Variants in CRPPA observed in about 807,000 individuals in gnomAD.
CRPPA encodes the protein D-ribitol-5-phosphate cytidylyltransferase.
A neutral mutation model predicts 52.0 loss-of-function variants in CRPPA; 43 were observed. The observed-to-expected ratio is 0.83, with a 90% CI of 0.65 to 1.07. The LOEUF is 1.07. Among genes scored for constraint, CRPPA ranks in the 50% least tolerant of loss-of-function variants. CRPPA has a pLI of 0.00. For missense variants in CRPPA, 629 were observed against 551.7 expected, an observed-to-expected ratio of 1.14 and a Z score of -1.40; for synonymous variants, 250 against 203.5, an observed-to-expected ratio of 1.23 and a Z score of -1.94.
chr7:16,383,663 A>C (rs964670890), intron 2 of CRPPA, among the ~76,000 whole-genome samples: 8 of 152,308 alleles, frequency 5.3e-5, no homozygotes, highest in South Asian at 2.1e-4. Flanking sequence ...TCGAGCTTCC[A>C]GGCTGCTTTG....
chr7:16,306,652 G>T (rs898065704), intron 4 of CRPPA, among the ~76,000 whole-genome samples: 1 of 152,132 alleles, frequency 6.6e-6, no homozygotes, highest in African/African-American at 2.4e-5. Flanking sequence ...ACGCCTTAGA[G>T]TTTCCGCCTT....
chr7:16,175,862 T>C (rs543936907), intron 9 of CRPPA, among the ~76,000 whole-genome samples: 1 of 152,320 alleles, frequency 6.6e-6, no homozygotes, highest in East Asian at 1.9e-4. Flanking sequence ...ATTGGATCTC[T>C]GAGCTTTTAT....
chr7:16,244,177 T>C (rs1783202626), intron 8 of CRPPA, among the ~76,000 whole-genome samples: 1 of 152,178 alleles, frequency 6.6e-6, no homozygotes, highest in Admixed American at 6.5e-5. Context: ...TGTTCCCTTC[T>C]GTAAGTGGAT....
At chr7:16,245,543 T>A (rs1447573247) in intron 8 of CRPPA, among the ~76,000 whole-genome samples, 2 of 152,196 alleles carry the variant, frequency 1.3e-5, no homozygotes, top group East Asian at 3.9e-4. Flanking sequence ...TTACTTACTG[T>A]ACCCTTTCTA....
intron 3 of CRPPA, among the ~76,000 whole-genome samples, chr7:16,352,931 G>A (rs951995015): frequency 6.7e-6 from 1 of 148,248 alleles, no homozygotes; most frequent in African/African-American, 2.5e-5. Flanking sequence ...ACACATTGGA[G>A]TACTATTTCA....
intron 9 of CRPPA, among the ~76,000 whole-genome samples, chr7:16,120,887 C>T (rs377393693): frequency 1.3e-5 from 2 of 152,128 alleles, no homozygotes; most frequent in East Asian, 3.9e-4. Context: ...TAAAGTGTAT[C>T]ACAGAACCTG....
intron 9 of CRPPA, among the ~76,000 whole-genome samples, chr7:16,165,807 T>C (rs141743212): frequency 1.1e-4 from 16 of 152,364 alleles, no homozygotes; most frequent in Admixed American, 9.8e-4. Flanking sequence ...ATAGCTTATG[T>C]TGGTACAACT....
chr7:16,363,536 A>G (rs771421375), intron 3 of CRPPA, among the ~76,000 whole-genome samples: 12 of 152,204 alleles, frequency 7.9e-5, no homozygotes, highest in Non-Finnish European at 1.3e-4. Context: ...AAAAAGCACA[A>G]TATCTATTTG....
At chr7:16,170,704 G>A (rs1360412315) in intron 9 of CRPPA, among the ~76,000 whole-genome samples, 4 of 152,214 alleles carry the variant, frequency 2.6e-5, no homozygotes, top group Middle Eastern at 3.2e-3. Context: ...ATGGTGGGCT[G>A]CAGGTCCCGA....
chr7:16,216,236 C>T, intron 8 of CRPPA, 39 bp from the exon 9 acceptor site: 1 of 1,349,560 alleles, frequency 7.4e-7, no homozygotes, highest in East Asian at 2.4e-5. Flanking sequence ...ATATCATTCC[C>T]TTCAACTTTC....
At chr7:16,192,431 G>A (rs887753861) in intron 9 of CRPPA, among the ~76,000 whole-genome samples, 1 of 152,074 alleles carries the variant, frequency 6.6e-6, no homozygotes, top group Non-Finnish European at 1.5e-5. Flanking sequence ...AGTTTCTACT[G>A]AGGTATTATT....
At chr7:16,308,748 T>C (rs988187734) in intron 3 of CRPPA, 121 bp from the exon 4 acceptor site, 1 of 649,110 alleles carries the variant, frequency 1.5e-6, no homozygotes, top group Non-Finnish European at 2.8e-6. Context: ...AACTATTTAA[T>C]CAGCTACTGA....
At chr7:16,260,874 C>T (rs1013904087) in intron 6 of CRPPA, among the ~76,000 whole-genome samples, 9 of 151,932 alleles carry the variant, frequency 5.9e-5, no homozygotes, top group African/African-American at 2.2e-4. Flanking sequence ...CATGTTTTTA[C>T]CACTAGCAAA....
intron 5 of CRPPA, among the ~76,000 whole-genome samples, chr7:16,280,348 C>T (rs547172375): frequency 6.6e-5 from 10 of 152,244 alleles, no homozygotes; most frequent in African/African-American, 2.4e-4. Context: ...AGAGTTAACC[C>T]AAACTTATAC....
chr7:16,420,998 C>A (rs1398324743), intron 1 of CRPPA, 68 bp downstream of exon 1: 13 of 1,234,506 alleles, frequency 1.1e-5, no homozygotes, highest in Non-Finnish European at 1.3e-5. Context: ...AGCGCTAGAG[C>A]AGCGGCAGGG....
chr7:16,383,867 G>T (rs1240479565), intron 2 of CRPPA, among the ~76,000 whole-genome samples: 1 of 152,220 alleles, frequency 6.6e-6, no homozygotes, highest in Admixed American at 6.5e-5. Flanking sequence ...TATTAGGGTG[G>T]GAGTGACCCA....
chr7:16,106,755 C>T (rs1782160717), intron 9 of CRPPA, among the ~76,000 whole-genome samples: 1 of 152,030 alleles, frequency 6.6e-6, no homozygotes, highest in Non-Finnish European at 1.5e-5. Flanking sequence ...ATCGTGACAC[C>T]TCTAAAAGAA....
chr7:16,189,913 G>A (rs1032503429), intron 9 of CRPPA, among the ~76,000 whole-genome samples: 1 of 152,068 alleles, frequency 6.6e-6, no homozygotes, highest in African/African-American at 2.4e-5. Flanking sequence ...TGAATATGTT[G>A]ATACCCATCT....
intron 2 of CRPPA, among the ~76,000 whole-genome samples, chr7:16,382,479 C>G (rs1402797496): frequency 6.6e-6 from 1 of 152,088 alleles, no homozygotes; most frequent in Non-Finnish European, 1.5e-5. Context: ...CTTGGAGTTG[C>G]TCTTCTTGAG....
Sources: gnomAD v4.1 joint callset for allele counts (sites outside exome capture counted in the v4.1 genomes callset) on GRCh38, gnomAD v4.1.1 for gene constraint, MANE v1.5 for transcripts, NCBI Gene and HGNC (gene_info 2026-07-23, HGNC 2026-07-21) for gene names.